HINT3: variants seen among roughly 807,000 people sequenced by gnomAD.
HINT3 encodes adenosine 5'-monophosphoramidase HINT3.
HINT3 carries 16 observed loss-of-function variants against 19.1 expected under a neutral mutation model. That is an observed-to-expected ratio of 0.84 (90% CI 0.57 to 1.27). HINT3 has a LOEUF of 1.27. Ranked by LOEUF, HINT3 falls within the 50% of genes most tolerant of loss-of-function variation. HINT3 has a pLI of 0.00. For synonymous variants in HINT3, 75 were observed against 84.8 expected (o/e 0.88, Z 0.63); for missense variants, 197 against 225.8 (o/e 0.87, Z 0.82).
At chr6:125,962,243 TATATATACACA>T (rs1788947277) in intron 1 of HINT3, among the ~76,000 whole-genome samples, 1 of 41,926 alleles carries the variant, frequency 2.4e-5, no homozygotes, top group African/African-American at 1.8e-4. Context: ...TACACATATA[TATATATACACA>T]CATATATATA....
At chr6:125,967,314 A>G (rs1789032520) in intron 2 of HINT3, among the ~76,000 whole-genome samples, 1 of 147,998 alleles carries the variant, frequency 6.8e-6, no homozygotes, top group Non-Finnish European at 1.5e-5. Flanking sequence ...AAAAGATAAT[A>G]TATTTTTATG....
intron 1 of HINT3, among the ~76,000 whole-genome samples, chr6:125,966,399 TA>T (rs1182570182): frequency 6.6e-6 from 1 of 152,206 alleles, no homozygotes; most frequent in Non-Finnish European, 1.5e-5. Context: ...ATAATTGCTT[TA>T]AAAAGTGTTT....
Position 125,972,326 on chromosome 6 carries a change from G to A in HINT3, c.387G>A (p.Val129=). The part of the protein sequence containing the change: ...ERNNFTDFTN[V]RMGFHMPPFC... ...ATAATTTCACTGACTTCACGAATGT[G>A]AGGTGTGTATACTTCCAGATGGAAA... The change falls in exon 3 of 5, where the codon GTG becomes GTA. Residue 129 remains valine (V), a splice_region_variant and synonymous_variant. Transcript: ENST00000229633. 1 of 1,555,888 alleles carries A rather than the reference G, an allele frequency of 6.4e-7. No homozygotes were observed. Among genetic ancestry groups the A allele is most frequent in the Non-Finnish European group, 8.7e-7 (1 of 1,150,362 alleles).
intron 1 of HINT3, 117 bp downstream of exon 1, chr6:125,957,295 G>A: frequency 8.9e-7 from 1 of 1,122,878 alleles, no homozygotes; most frequent in Non-Finnish European, 1.2e-6. Flanking sequence ...TACTCAGCTC[G>A]CAGAGGCAGG....
At chr6:125,963,871 G>A (rs1788979897) in intron 1 of HINT3, among the ~76,000 whole-genome samples, 1 of 152,134 alleles carries the variant, frequency 6.6e-6, no homozygotes, top group African/African-American at 2.4e-5. Flanking sequence ...GGTTTTGCAA[G>A]GAGAAACTGA....
At chr6:125,969,778 G>C (rs1789073507) in intron 2 of HINT3, among the ~76,000 whole-genome samples, 1 of 152,054 alleles carries the variant, frequency 6.6e-6, no homozygotes, top group Non-Finnish European at 1.5e-5. Flanking sequence ...TCTTGATTTA[G>C]ACTGTCAGTT....
At chr6:125,965,298 T>C (rs1456033126) in intron 1 of HINT3, among the ~76,000 whole-genome samples, 2 of 152,168 alleles carry the variant, frequency 1.3e-5, no homozygotes, top group Non-Finnish European at 2.9e-5. Flanking sequence ...TACAGCTACA[T>C]CATCTCAAAC....
intron 2 of HINT3, among the ~76,000 whole-genome samples, chr6:125,967,563 C>T (rs1789037080): frequency 6.6e-6 from 1 of 152,080 alleles, no homozygotes; most frequent in Non-Finnish European, 1.5e-5. Context: ...AACTCCTGAC[C>T]TCAGGTGATC....
At chr6:125,966,850 T>G in intron 1 of HINT3, 37 bp from the exon 2 acceptor site, 1 of 1,375,246 alleles carries the variant, frequency 7.3e-7, no homozygotes, top group Non-Finnish European at 1.0e-6. Flanking sequence ...TAAGAAATTC[T>G]TTTTAAAAAT....
At chr6:125,967,873 A>G (rs931064001) in intron 2 of HINT3, among the ~76,000 whole-genome samples, 9 of 152,166 alleles carry the variant, frequency 5.9e-5, no homozygotes, top group African/African-American at 1.9e-4. Flanking sequence ...TCTATTAAGG[A>G]TGATTGCTCA....
At chr6:125,969,409 TTATAG>T (rs1220338348) in intron 2 of HINT3, among the ~76,000 whole-genome samples, 1 of 152,194 alleles carries the variant, frequency 6.6e-6, no homozygotes, top group Non-Finnish European at 1.5e-5. Flanking sequence ...TTATATAGAC[TTATAG>T]TATAGTTTGA....
intron 1 of HINT3, among the ~76,000 whole-genome samples, chr6:125,960,511 G>A (rs944330426): frequency 6.6e-6 from 1 of 152,152 alleles, no homozygotes; most frequent in Admixed American, 6.5e-5. Context: ...ACAAAAATTA[G>A]CTGGGTGTGG....
chr6:125,959,438 G>A (rs1270032313), intron 1 of HINT3, among the ~76,000 whole-genome samples: 1 of 152,238 alleles, frequency 6.6e-6, no homozygotes, highest in Admixed American at 6.5e-5. Context: ...AGCAATATTA[G>A]CCTGCCTTCA....
At position 125,956,819 on chromosome 6, in the gene HINT3, A is replaced by G. The variant is rs561897941; in HGVS notation, c.-159A>G. The G allele has an allele frequency of 3.8e-4, 292 of 774,392 alleles. 1 individual carries two copies. The African/African-American group carries it at 4.9e-3, about 13-fold the overall frequency. 48.0% of individuals were successfully genotyped at this position (774,392 alleles called of 1,614,324 possible). A position where few individuals can be genotyped will look rare whatever the true frequency, so the allele number is the denominator to read the frequency against. On this transcript the variant is annotated 5_prime_UTR_variant, in exon 1 of 5. Transcript: ENST00000229633. Reference sequence around the variant, plus strand: ...CCGGCCTCCGGCTTTGAAGTTCCTCACCGCGTCTCCTTCCCTCTCCCCAAA... The same window carrying G: ...CCGGCCTCCGGCTTTGAAGTTCCTCGCCGCGTCTCCTTCCCTCTCCCCAAA...
chr6:125,974,909 C>A lies in HINT3; in HGVS notation c.452C>A (p.Pro151Gln). ...ISHLHLHVLA[P>Q]VDQLGFLSKL... Reference sequence around the variant, plus strand: ...CACTTGCACCTTCATGTTCTGGCACCAGTGGATCAGCTTGGCTTCTTATCC... The same window carrying A: ...CACTTGCACCTTCATGTTCTGGCACAAGTGGATCAGCTTGGCTTCTTATCC... The change falls in exon 4 of 5, where the codon CCA (proline) becomes CAA (glutamine). Residue 151 changes from proline to glutamine, a missense_variant. Coordinates refer to ENST00000229633, the MANE Select transcript of HINT3 (RefSeq NM_138571.5). 6.2e-7 allele frequency: 1 copy of A among 1,613,842 alleles called. No homozygotes were observed.
chr6:125,978,628 T>C lies in HINT3; in HGVS notation c.*952T>C, dbSNP rs1789208752. ...CTATAGGCACAATAGTGAATATGAA[T>C]GAAGAGTAGGTGCTGCAAGTTAATC... On this transcript the variant is annotated 3_prime_UTR_variant, in exon 5 of 5. Coordinates refer to ENST00000229633, the MANE Select transcript of HINT3 (RefSeq NM_138571.5). The C allele has an allele frequency of 6.6e-6, 1 of 152,218 alleles. No individual in the cohort carries two copies. Among genetic ancestry groups the C allele is most frequent in the South Asian group, 2.1e-4 (1 of 4,832 alleles). The allele number at this position is 152,218 out of a possible 1,614,324, so 9.4% of individuals were successfully genotyped here.
chr6:125,957,049 T>A lies in HINT3; in HGVS notation c.72T>A (p.Thr24=). ...PDCEASATAE[T]TVSSVGTCEA... The stretch of plus-strand genomic sequence containing the variant: ...GTGAGGCCTCGGCGACTGCAGAAAC[T>A]ACGGTTTCCTCAGTGGGGACCTGTG... The change falls in exon 1 of 5, where the codon ACT becomes ACA. Residue 24 remains threonine, a synonymous_variant. Coordinates refer to ENST00000229633, the MANE Select transcript of HINT3 (RefSeq NM_138571.5). 1 of 1,550,790 alleles carries A rather than the reference T, an allele frequency of 6.4e-7. No individual in the cohort carries two copies. Among genetic ancestry groups the A allele is most frequent in the Non-Finnish European group, 8.7e-7 (1 of 1,146,842 alleles).
chr6:125,957,252 C>T (rs772379478), intron 1 of HINT3, 74 bp downstream of exon 1: 8 of 1,419,934 alleles, frequency 5.6e-6, no homozygotes, highest in Non-Finnish European at 7.5e-6. Context: ...GAGGCCTCGC[C>T]GTTGTGGAGC....
rs1230756999 is a variant in HINT3 at position 125,962,290 on chromosome 6, ATATATATATATATATAT to A, written c.202-4596_202-4580del. Among the ~76,000 whole-genome samples, 5 of 25,776 alleles carry A rather than the reference ATATATATATATATATAT, an allele frequency of 1.9e-4. 1 individual carries two copies. The highest frequency in any genetic ancestry group is 1.1e-3 in the Admixed American group (2 of 1,808). 16.9% of individuals were successfully genotyped at this position (25,776 alleles called of 152,430 possible). ...TATATACATACATATATATATACAC[ATATATATATATATATAT>A]CACACATATATATATATATATATCA... On this transcript the variant is annotated intron_variant, in intron 1 of 4. Transcript: ENST00000229633.
Sources: allele counts gnomAD v4.1 joint callset (sites outside exome capture counted in the v4.1 genomes callset), GRCh38; gene constraint gnomAD v4.1.1; transcripts MANE v1.5; gene names NCBI Gene and HGNC (gene_info 2026-07-23, HGNC 2026-07-21).